The following LAMA2 variants were observed in gnomAD, a reference collection of about 807,000 sequenced individuals.
The protein encoded by LAMA2 is laminin subunit alpha-2.
A neutral mutation model predicts 364.8 loss-of-function variants in LAMA2; 269 were observed. The ratio of observed to expected loss-of-function variants is 0.74; its 90% CI spans 0.67 to 0.82. The LOEUF is 0.82. Ranked by LOEUF, LAMA2 falls within the 40% of genes least tolerant of loss-of-function variation. The probability of loss-of-function intolerance (pLI) is 0.00; values close to 1 mark genes in which losing one functional copy is unlikely to be tolerated. For synonymous variants in LAMA2, 1,379 were observed against 1,370.6 expected (o/e 1.01, Z -0.14); for missense variants, 3,807 against 3,873.2 (o/e 0.98, Z 0.45).
Position 129,393,382 on chromosome 6 carries a change from G to A in LAMA2, c.5445+127G>A, listed in dbSNP as rs1420601881. The A allele has an allele frequency of 5.4e-6, 4 of 744,940 alleles. No homozygotes were observed. In the Admixed American group the frequency reaches 6.8e-5, roughly 13 times the overall value. The allele number at this position is 744,940 out of a possible 1,614,324, so 46.1% of individuals were successfully genotyped here. A position where few individuals can be genotyped will look rare whatever the true frequency, so the allele number is the denominator to read the frequency against. On this transcript the variant is annotated intron_variant, in intron 37 of 64. Coordinates refer to ENST00000421865, the MANE Select transcript of LAMA2 (RefSeq NM_000426.4). ...AGTCAAGAGTGACAACTCTGAAAGG[G>A]GGCTTCTAAGAAACAGAACAAGAAA...
rs201177178 is a variant in LAMA2, at chr6:129,177,763, G to T, written c.1364G>T (p.Arg455Leu). The T allele has an allele frequency of 6.2e-7, 1 of 1,613,898 alleles. No homozygotes were observed. The highest frequency in any genetic ancestry group is 2.2e-5 in the East Asian group (1 of 44,862). Reference sequence around the variant, plus strand: ...GGTTTTGGAGGTGTGAGCTGTGATCGGTGTGCCAGGGGCTACACTGGCTAC... The same window carrying T: ...GGTTTTGGAGGTGTGAGCTGTGATCTGTGTGCCAGGGGCTACACTGGCTAC... ...KTGFGGVSCD[R>L]CARGYTGYPD... The change falls in exon 10 of 65, where the codon CGG becomes CTG. Residue 455 changes from arginine to leucine, a missense_variant. This residue lies in a region of LAMA2 where 3,333 missense variants were observed against 3,345.7 expected (regional missense o/e 1.00). Transcript: ENST00000421865.
intron 1 of LAMA2, among the ~76,000 whole-genome samples, chr6:129,021,542 A>G (rs1785450571): frequency 6.6e-6 from 1 of 152,214 alleles, no homozygotes; most frequent in African/African-American, 2.4e-5. Flanking sequence ...TCAATTTGCT[A>G]CAAACATATA....
chr6:129,121,574 A>G (rs895612200), intron 4 of LAMA2, among the ~76,000 whole-genome samples: 1 of 152,160 alleles, frequency 6.6e-6, no homozygotes, highest in Admixed American at 6.5e-5. Flanking sequence ...GACACTTTAT[A>G]TCAAGCAGGA....
chr6:129,401,946 G>T (rs1028399626), intron 38 of LAMA2, among the ~76,000 whole-genome samples: 2 of 152,106 alleles, frequency 1.3e-5, no homozygotes, highest in African/African-American at 4.8e-5. Flanking sequence ...GGTGGCTCAT[G>T]CCTGTAATCC....
chr6:129,178,117 C>T (rs1268423373), intron 10 of LAMA2, among the ~76,000 whole-genome samples: 1 of 152,144 alleles, frequency 6.6e-6, no homozygotes, highest in Non-Finnish European at 1.5e-5. Context: ...ACACTTTCAC[C>T]CCATTGCCCA....
chr6:128,960,994 A>AC (rs1781452868), intron 1 of LAMA2, among the ~76,000 whole-genome samples: 1 of 151,964 alleles, frequency 6.6e-6, no homozygotes, highest in Non-Finnish European at 1.5e-5. Flanking sequence ...AAAATTGTTA[A>AC]ATCTCTGTAT....
intron 34 of LAMA2, among the ~76,000 whole-genome samples, chr6:129,376,960 A>G (rs763991399): frequency 2.6e-5 from 4 of 152,328 alleles, no homozygotes; most frequent in Middle Eastern, 3.4e-3. Context: ...TGTTAAGTCA[A>G]TATTTGTTTA....
At chr6:129,369,479 T>C (rs1489253728) in intron 33 of LAMA2, among the ~76,000 whole-genome samples, 2 of 152,148 alleles carry the variant, frequency 1.3e-5, no homozygotes, top group Non-Finnish European at 2.9e-5. Flanking sequence ...TCTGTGTCTC[T>C]GTTAATTGGA....
intron 1 of LAMA2, among the ~76,000 whole-genome samples, chr6:129,008,003 A>C (rs375176540): frequency 6.6e-6 from 1 of 152,304 alleles, no homozygotes; most frequent in East Asian, 1.9e-4. Flanking sequence ...AACCTAATGA[A>C]ATACATCCTT....
At chr6:129,357,236 A>G (rs1163212553) in intron 32 of LAMA2, among the ~76,000 whole-genome samples, 3 of 152,076 alleles carry the variant, frequency 2.0e-5, no homozygotes, top group Admixed American at 1.3e-4. Context: ...ATTTGTTCAT[A>G]TCCTATTTTC....
intron 3 of LAMA2, among the ~76,000 whole-genome samples, chr6:129,066,892 C>T (rs916092885): frequency 6.6e-6 from 1 of 152,094 alleles, no homozygotes; most frequent in African/African-American, 2.4e-5. Context: ...TGAGTATAGA[C>T]CCTTATCTCA....
intron 1 of LAMA2, among the ~76,000 whole-genome samples, chr6:128,898,582 C>CTT (rs896583681): frequency 1.3e-5 from 2 of 152,190 alleles, no homozygotes; most frequent in African/African-American, 4.8e-5. Context: ...CCACAGCACT[C>CTT]TTTTTTTGCC....
chr6:128,912,313 A>G (rs546673028), intron 1 of LAMA2, among the ~76,000 whole-genome samples: 1 of 142,710 alleles, frequency 7.0e-6, no homozygotes, highest in African/African-American at 3.0e-5. Context: ...AATGAATGAT[A>G]CCGTAATGGA....
chr6:129,327,653 T>G (rs557823155), intron 28 of LAMA2, among the ~76,000 whole-genome samples: 1 of 152,344 alleles, frequency 6.6e-6, no homozygotes, highest in African/African-American at 2.4e-5. Flanking sequence ...GATGGAAGTC[T>G]TGATTTTGCA....
chr6:128,961,491 C>T (rs556173532), intron 1 of LAMA2, among the ~76,000 whole-genome samples: 2 of 148,952 alleles, frequency 1.3e-5, no homozygotes, highest in Non-Finnish European at 3.0e-5. Flanking sequence ...TGTCTGCAAG[C>T]TGAGGAGCAA....
intron 3 of LAMA2, among the ~76,000 whole-genome samples, chr6:129,087,422 T>C (rs573117347): frequency 1.3e-5 from 2 of 152,328 alleles, no homozygotes; most frequent in South Asian, 4.2e-4. Flanking sequence ...GGGGCGCACA[T>C]ACAGGGGTTG....
chr6:129,454,360 ACTC>A, intron 47 of LAMA2, 72 bp downstream of exon 47: 1 of 1,233,402 alleles, frequency 8.1e-7, no homozygotes, highest in Non-Finnish European at 1.2e-6. Context: ...TTATAAGAAA[ACTC>A]CTATTTCCAT....
chr6:129,050,062 G>A lies in LAMA2; in HGVS notation c.257G>A (p.Cys86Tyr). ...QPVRNPQCRI[C>Y]NQNSSNPNQR... ...GTGAGGAACCCGCAGTGTCGAATCT[G>A]CAATCAAAACAGCAGCAATCCAAAC... is the stretch of plus-strand genomic sequence containing the variant. Residue 86 changes from cysteine (C) to tyrosine (Y), a missense_variant, in exon 2 of 65, where the codon TGC (cysteine) becomes TAC (tyrosine). Transcript: ENST00000421865. 3 of 1,614,176 alleles carry A rather than the reference G, an allele frequency of 1.9e-6. No homozygotes were observed. Among genetic ancestry groups the A allele is most frequent in the Non-Finnish European group, 2.5e-6 (3 of 1,180,014 alleles).
chr6:129,315,856 G>C lies in LAMA2; in HGVS notation c.3830G>C (p.Arg1277Pro), dbSNP rs764206848. 2 of 1,613,990 alleles carry C rather than the reference G, an allele frequency of 1.2e-6. No homozygotes were observed. The highest frequency in any genetic ancestry group is 1.7e-6 in the Non-Finnish European group (2 of 1,179,942). The change falls in exon 26 of 65, where the codon CGA (arginine) becomes CCA (proline). Residue 1277 changes from arginine (R) to proline (P), a missense_variant. Physicochemically the swap from Arg to Pro is moderately radical, Grantham distance 103. Around this residue, in one of 3 missense-constraint regions of LAMA2, gnomAD observed 3,333 missense variants for 3,345.7 expected, o/e 1.00. Transcript: ENST00000421865. ...ACATATAATCCTCAAGTGATCATTC[G>C]AGGTGGGACACCTACTCATGCTAGA... is the stretch of plus-strand genomic sequence containing the variant. ...FSTYNPQVII[R>P]GGTPTHARII...
Sources: allele counts gnomAD v4.1 joint callset (sites outside exome capture counted in the v4.1 genomes callset), GRCh38; gene constraint gnomAD v4.1.1; regional missense constraint gnomAD v4.1.1; transcripts MANE v1.5; gene names NCBI Gene and HGNC (gene_info 2026-07-23, HGNC 2026-07-21).